CNTNAP2: variants seen among roughly 807,000 people sequenced by gnomAD.
CNTNAP2 encodes the protein contactin associated protein 2, also known as contactin-associated protein-like 2.
In CNTNAP2, 98 loss-of-function variants were observed where a neutral mutation model predicts 155.2. The observed-to-expected ratio is 0.63, with a 90% confidence interval of 0.54 to 0.75. CNTNAP2 has a LOEUF of 0.75. Ranked by LOEUF, CNTNAP2 falls within the 30% of genes least tolerant of loss-of-function variation. CNTNAP2 has a pLI of 0.00. For synonymous variants in CNTNAP2, 651 were observed against 631.2 expected (o/e 1.03, Z -0.47); for missense variants, 1,727 against 1,688.1 (o/e 1.02, Z -0.40).
intron 1 of CNTNAP2, among the ~76,000 whole-genome samples, chr7:146,709,980 C>T (rs937081036): frequency 8.6e-5 from 13 of 152,046 alleles, no homozygotes; most frequent in African/African-American, 2.2e-4. Flanking sequence ...TTTTCACAAT[C>T]GATTAGGAGC....
intron 1 of CNTNAP2, among the ~76,000 whole-genome samples, chr7:146,637,446 G>A (rs1375441218): frequency 6.6e-6 from 1 of 152,028 alleles, no homozygotes; most frequent in Non-Finnish European, 1.5e-5. Flanking sequence ...ATTTTTACTA[G>A]GATTTTATTT....
chr7:146,735,539 A>G (rs2129180165), intron 1 of CNTNAP2, among the ~76,000 whole-genome samples: 1 of 152,262 alleles, frequency 6.6e-6, no homozygotes, highest in Non-Finnish European at 1.5e-5. Flanking sequence ...TGGGCAACAG[A>G]GCAAGACTCT....
chr7:146,939,662 T>C (rs1797005269), intron 3 of CNTNAP2, among the ~76,000 whole-genome samples: 1 of 152,204 alleles, frequency 6.6e-6, no homozygotes, highest in Non-Finnish European at 1.5e-5. Flanking sequence ...ATCAGTTTTT[T>C]AATTTGCCTG....
intron 1 of CNTNAP2, among the ~76,000 whole-genome samples, chr7:146,725,527 A>G (rs1464283156): frequency 6.6e-6 from 1 of 152,162 alleles, no homozygotes; most frequent in Non-Finnish European, 1.5e-5. Flanking sequence ...AAAGGATGAG[A>G]GGAACTTAAA....
chr7:146,967,126 G>C (rs933530807), intron 3 of CNTNAP2, among the ~76,000 whole-genome samples: 1 of 152,064 alleles, frequency 6.6e-6, no homozygotes, highest in Non-Finnish European at 1.5e-5. Flanking sequence ...TTTTACATTG[G>C]ACCTCATTTA....
chr7:147,487,352 A>G (rs1253713251), intron 11 of CNTNAP2, among the ~76,000 whole-genome samples: 1 of 152,188 alleles, frequency 6.6e-6, no homozygotes, highest in Non-Finnish European at 1.5e-5. Flanking sequence ...AATGATTGAT[A>G]CTGAAATTAA....
intron 13 of CNTNAP2, among the ~76,000 whole-genome samples, chr7:147,860,773 G>A (rs2116684899): frequency 6.6e-6 from 1 of 152,152 alleles, no homozygotes; most frequent in East Asian, 1.9e-4. Context: ...CCGAGTCTCA[G>A]GTCATTCATG....
chr7:148,081,441 G>A (rs1241870308), intron 15 of CNTNAP2, among the ~76,000 whole-genome samples: 1 of 151,944 alleles, frequency 6.6e-6, no homozygotes, highest in African/African-American at 2.4e-5. Context: ...AGCACGGCTA[G>A]AATATAAAGC....
At chr7:147,856,250 A>C (rs1799037605) in intron 13 of CNTNAP2, among the ~76,000 whole-genome samples, 1 of 152,154 alleles carries the variant, frequency 6.6e-6, no homozygotes, top group Admixed American at 6.5e-5. Context: ...CGAGCATAAA[A>C]TAAGGCCCAG....
chr7:146,990,825 A>G (rs1161119611), intron 3 of CNTNAP2, among the ~76,000 whole-genome samples: 1 of 152,106 alleles, frequency 6.6e-6, no homozygotes, highest in Non-Finnish European at 1.5e-5. Context: ...TCAAAGGGAA[A>G]ATGACTTTTT....
chr7:146,976,772 A>G (rs1476165507), intron 3 of CNTNAP2, among the ~76,000 whole-genome samples: 1 of 152,134 alleles, frequency 6.6e-6, no homozygotes, highest in East Asian at 1.9e-4. Flanking sequence ...AGGGTAAGGT[A>G]TAGTCCTCAT....
At chr7:148,257,435 A>G (rs1796474578) in intron 20 of CNTNAP2, among the ~76,000 whole-genome samples, 1 of 152,192 alleles carries the variant, frequency 6.6e-6, no homozygotes, top group Non-Finnish European at 1.5e-5. Context: ...CTTCTTGAGT[A>G]TCTCTATAAG....
chr7:147,596,255 T>G (rs980268010), intron 12 of CNTNAP2, among the ~76,000 whole-genome samples: 1 of 152,182 alleles, frequency 6.6e-6, no homozygotes, highest in African/African-American at 2.4e-5. Flanking sequence ...CTCACTCTCT[T>G]TTACTACCTG....
chr7:147,601,135 T>C (rs995417306), intron 12 of CNTNAP2, among the ~76,000 whole-genome samples: 1 of 152,126 alleles, frequency 6.6e-6, no homozygotes, highest in Non-Finnish European at 1.5e-5. Context: ...AATGTTGTTT[T>C]ATTTGTACCT....
intron 11 of CNTNAP2, among the ~76,000 whole-genome samples, chr7:147,499,886 A>T (rs1020630531): frequency 6.6e-6 from 1 of 152,172 alleles, no homozygotes; most frequent in Admixed American, 6.5e-5. Context: ...CTACAGTGTG[A>T]TTTGTGGACA....
At chr7:148,241,785 T>C (rs187851859) in intron 20 of CNTNAP2, among the ~76,000 whole-genome samples, 7 of 152,380 alleles carry the variant, frequency 4.6e-5, no homozygotes, top group Admixed American at 4.6e-4. Context: ...ATAATGAATA[T>C]GTCAACACTT....
At chr7:147,298,587 T>C (rs1794881769) in intron 8 of CNTNAP2, among the ~76,000 whole-genome samples, 1 of 152,224 alleles carries the variant, frequency 6.6e-6, no homozygotes, top group Non-Finnish European at 1.5e-5. Flanking sequence ...CTTAAGTTCT[T>C]TAAAATAGTT....
rs187104343 is a variant in CNTNAP2 at position 146,180,971 on chromosome 7, T to C, written c.97+63998T>C. 1.2e-3 allele frequency among the ~76,000 whole-genome samples: 184 copies of C among 152,284 alleles called. 2 individuals carry two copies. Among genetic ancestry groups the C allele is most frequent in the Admixed American group, 9.9e-3 (151 of 15,282 alleles). On this transcript the variant is annotated intron_variant, in intron 1 of 23. Transcript: ENST00000361727. Reference sequence around the variant, plus strand: ...GGGATATCATATGCTACTGGTTTTCTTCCTTCTACTCTGCCTACTATCTTC... The same window carrying C: ...GGGATATCATATGCTACTGGTTTTCCTCCTTCTACTCTGCCTACTATCTTC...
At chr7:146,521,971 G>A (rs764180074) in intron 1 of CNTNAP2, among the ~76,000 whole-genome samples, 25 of 151,092 alleles carry the variant, frequency 1.7e-4, no homozygotes, top group Non-Finnish European at 3.2e-4. Flanking sequence ...GACTTTCACT[G>A]TTTTTAGTAA....
Sources: gnomAD v4.1 joint callset for allele counts (sites outside exome capture counted in the v4.1 genomes callset) on GRCh38, gnomAD v4.1.1 for gene constraint, MANE v1.5 for transcripts, NCBI Gene and HGNC (gene_info 2026-07-23, HGNC 2026-07-21) for gene names.